C10orf90: variants seen among roughly 807,000 people sequenced by gnomAD.
C10orf90 encodes the protein (E2-independent) E3 ubiquitin-conjugating enzyme FATS.
Under a neutral mutation model 62.5 loss-of-function variants are expected in C10orf90, and 56 were observed. The ratio of observed to expected loss-of-function variants is 0.90; its 90% CI spans 0.72 to 1.12. C10orf90 has a LOEUF of 1.12. C10orf90 is among the 50% of genes most tolerant of loss of function. C10orf90 has a pLI of 0.00. For missense variants in C10orf90, 970 were observed against 880.4 expected, an observed-to-expected ratio of 1.10 and a Z score of -1.29; for synonymous variants, 386 against 340.4, an observed-to-expected ratio of 1.13 and a Z score of -1.47.
chr10:126,645,826 T>C (rs1846159646), intron 2 of C10orf90, among the ~76,000 whole-genome samples: 1 of 152,186 alleles, frequency 6.6e-6, no homozygotes, highest in Non-Finnish European at 1.5e-5. Context: ...TCCACATACA[T>C]ACAAACACAC....
chr10:126,645,375 C>T (rs547164432), intron 2 of C10orf90, among the ~76,000 whole-genome samples: 4 of 150,172 alleles, frequency 2.7e-5, no homozygotes, highest in South Asian at 4.2e-4. Context: ...TGAGACCAGG[C>T]GAGGCAACAT....
At chr10:126,629,248 C>T (rs1463291994) in intron 2 of C10orf90, among the ~76,000 whole-genome samples, 1 of 152,192 alleles carries the variant, frequency 6.6e-6, no homozygotes, top group Non-Finnish European at 1.5e-5. Flanking sequence ...TTTATGACGA[C>T]AGCTTCTTAG....
intron 4 of C10orf90, among the ~76,000 whole-genome samples, chr10:126,482,214 T>C (rs571719659): frequency 1.3e-5 from 2 of 152,342 alleles, no homozygotes; most frequent in Admixed American, 6.5e-5. Context: ...TAACCTTTCT[T>C]TTGTTATAGG....
intron 7 of C10orf90, among the ~76,000 whole-genome samples, chr10:126,449,227 T>C (rs1009285304): frequency 2.0e-5 from 3 of 152,186 alleles, no homozygotes; most frequent in Non-Finnish European, 4.4e-5. Context: ...GCAATGATGG[T>C]TCCGTATCAA....
chr10:126,429,939 A>T, intron 7 of C10orf90, 89 bp from the exon 8 acceptor site: 1 of 1,144,322 alleles, frequency 8.7e-7, no homozygotes, highest in Non-Finnish European at 1.3e-6. Context: ...ATAATCCGTT[A>T]ATTGATCCTT....
At chr10:126,569,740 C>T (rs1316873838) in intron 2 of C10orf90, among the ~76,000 whole-genome samples, 1 of 152,064 alleles carries the variant, frequency 6.6e-6, no homozygotes, top group Non-Finnish European at 1.5e-5. Context: ...ATGCTAATGG[C>T]TCTCAGTGTT....
chr10:126,433,675 C>T (rs527774637), intron 7 of C10orf90, among the ~76,000 whole-genome samples: 149 of 152,264 alleles, frequency 9.8e-4, no homozygotes, highest in African/African-American at 3.2e-3. Context: ...GATTTCACTT[C>T]ATGGAATGCA....
intron 1 of C10orf90, among the ~76,000 whole-genome samples, chr10:126,651,887 A>C (rs1846298310): frequency 6.6e-6 from 1 of 152,198 alleles, no homozygotes; most frequent in Non-Finnish European, 1.5e-5. Context: ...TCTTTTCAGC[A>C]TCTGAATGTC....
At chr10:126,479,103 G>T (rs531696587) in intron 4 of C10orf90, among the ~76,000 whole-genome samples, 23 of 152,228 alleles carry the variant, frequency 1.5e-4, no homozygotes, top group South Asian at 2.1e-4. Flanking sequence ...CCGCTGTACC[G>T]CAGGGTGTGA....
At chr10:126,431,200 C>T (rs976425354) in intron 7 of C10orf90, among the ~76,000 whole-genome samples, 17 of 152,232 alleles carry the variant, frequency 1.1e-4, no homozygotes, top group Middle Eastern at 3.2e-3. Context: ...TAGCACTTAA[C>T]TTACTTTATG....
chr10:126,426,200 T>G (rs1457265530), intron 8 of C10orf90, 110 bp from the exon 9 acceptor site: 4 of 867,968 alleles, frequency 4.6e-6, no homozygotes, highest in Admixed American at 2.0e-5. Context: ...AGAAGATCGC[T>G]GCTTATGGGC....
At chr10:126,606,242 A>G (rs1336546191) in intron 2 of C10orf90, among the ~76,000 whole-genome samples, 1 of 152,186 alleles carries the variant, frequency 6.6e-6, no homozygotes, top group East Asian at 1.9e-4. Context: ...GGAGATGTGA[A>G]ATGATATTAA....
chr10:126,529,688 C>T (rs1864042125), intron 2 of C10orf90, among the ~76,000 whole-genome samples: 1 of 152,126 alleles, frequency 6.6e-6, no homozygotes, highest in Admixed American at 6.5e-5. Flanking sequence ...CGCATCTACC[C>T]AGATTGGCAA....
intron 2 of C10orf90, among the ~76,000 whole-genome samples, chr10:126,546,109 A>T (rs954585587): frequency 2.0e-5 from 3 of 152,098 alleles, no homozygotes; most frequent in African/African-American, 7.2e-5. Context: ...GACAGAAAAA[A>T]CCCCAGGCAA....
intron 2 of C10orf90, among the ~76,000 whole-genome samples, chr10:126,624,853 G>C (rs1225756835): frequency 6.6e-6 from 1 of 152,248 alleles, no homozygotes; most frequent in East Asian, 1.9e-4. Flanking sequence ...AAGGTTGCCC[G>C]CAGCAGGTTA....
intron 7 of C10orf90, 92 bp from the exon 8 acceptor site, chr10:126,429,942 T>C: frequency 8.9e-7 from 1 of 1,117,798 alleles, no homozygotes; most frequent in Non-Finnish European, 1.3e-6. Flanking sequence ...ATCCGTTAAT[T>C]GATCCTTATT....
intron 2 of C10orf90, among the ~76,000 whole-genome samples, chr10:126,602,990 T>G (rs1390024250): frequency 1.4e-5 from 2 of 145,268 alleles, no homozygotes; most frequent in East Asian, 2.1e-4. Flanking sequence ...AGAGACAGAG[T>G]GAGAGAGACA....
intron 2 of C10orf90, among the ~76,000 whole-genome samples, chr10:126,608,885 T>C (rs1015885764): frequency 1.3e-5 from 2 of 152,232 alleles, no homozygotes; most frequent in Non-Finnish European, 2.9e-5. Context: ...CAGTTTTAAT[T>C]TGTAGTTCAG....
At chr10:126,497,443 T>A (rs1363141323) in intron 4 of C10orf90, among the ~76,000 whole-genome samples, 2 of 152,222 alleles carry the variant, frequency 1.3e-5, no homozygotes, top group Non-Finnish European at 2.9e-5. Flanking sequence ...CCTTTGACTC[T>A]GAGCATCGCT....
Sources: gnomAD v4.1 joint callset for allele counts (sites outside exome capture counted in the v4.1 genomes callset) on GRCh38, gnomAD v4.1.1 for gene constraint, MANE v1.5 for transcripts, NCBI Gene and HGNC (gene_info 2026-07-23, HGNC 2026-07-21) for gene names.